ABCB5: variants seen among roughly 807,000 people sequenced by gnomAD.
ABCB5 encodes the protein ATP binding cassette subfamily B member 5.
A neutral mutation model predicts 144.2 loss-of-function variants in ABCB5; 155 were observed. That is an observed-to-expected ratio of 1.08 (90% CI 0.94 to 1.23). The LOEUF is 1.23. Ranked by LOEUF, ABCB5 falls within the 50% of genes most tolerant of loss-of-function variation. The pLI is 0.00. For synonymous variants in ABCB5, 610 were observed against 528.6 expected, an observed-to-expected ratio of 1.15 and a Z score of -2.11; for missense variants, 1,830 against 1,520.8, an observed-to-expected ratio of 1.20 and a Z score of -3.38.
At chr7:20,750,103 C>T (rs1323054212) in intron 26 of ABCB5, among the ~76,000 whole-genome samples, 1 of 152,114 alleles carries the variant, frequency 6.6e-6, no homozygotes. Flanking sequence ...TGGAATTACT[C>T]ATCTAGCAGC....
intron 5 of ABCB5, among the ~76,000 whole-genome samples, chr7:20,640,106 T>C (rs1321233385): frequency 6.6e-6 from 1 of 152,170 alleles, no homozygotes; most frequent in African/African-American, 2.4e-5. Context: ...CCCTACAGCA[T>C]TAAAAAAAAT....
In ABCB5 at chr7:20,676,951, T is replaced by C. The variant is rs114161874; in HGVS notation, c.1708-4554T>C. Among the ~76,000 whole-genome samples, 842 of 152,290 alleles carry C rather than the reference T, an allele frequency of 5.5e-3. 10 individuals carry two copies. The highest frequency in any genetic ancestry group is 0.019 in the African/African-American group (809 of 41,552). ...CACAAATGATGAAATTATTGAATAC[T>C]AGATTTGTCATTATAAAAGTCATAC... is the stretch of plus-strand genomic sequence containing the variant. On this transcript the variant is annotated intron_variant, in intron 14 of 27. Coordinates refer to ENST00000404938, the MANE Select transcript of ABCB5 (RefSeq NM_001163941.2).
chr7:20,652,306 G>A (rs770370789), intron 13 of ABCB5, among the ~76,000 whole-genome samples: 3 of 152,176 alleles, frequency 2.0e-5, no homozygotes, highest in East Asian at 1.9e-4. Context: ...GGTGGCTCAC[G>A]CGTGTAATCC....
At chr7:20,688,890 T>A (rs1786102468) in intron 16 of ABCB5, among the ~76,000 whole-genome samples, 1 of 151,888 alleles carries the variant, frequency 6.6e-6, no homozygotes, top group Non-Finnish European at 1.5e-5. Flanking sequence ...CACGGCATGT[T>A]CTCACTCATA....
chr7:20,626,415 ATTAAGT>A (rs1007347191), intron 2 of ABCB5, 136 bp from the exon 3 acceptor site: 7 of 634,886 alleles, frequency 1.1e-5, no homozygotes, highest in Non-Finnish European at 1.8e-5. Flanking sequence ...ACTGTCTATC[ATTAAGT>A]TTATTTTTAA....
At chr7:20,739,738 T>G (rs1782502474) in intron 24 of ABCB5, among the ~76,000 whole-genome samples, 1 of 152,124 alleles carries the variant, frequency 6.6e-6, no homozygotes, top group Non-Finnish European at 1.5e-5. Flanking sequence ...TCTGATAATA[T>G]ATGCAAAGTA....
At chr7:20,729,781 C>T (rs1471957782) in intron 23 of ABCB5, among the ~76,000 whole-genome samples, 1 of 152,174 alleles carries the variant, frequency 6.6e-6, no homozygotes, top group East Asian at 1.9e-4. Context: ...CAAGTATCAG[C>T]CTCTTCACAA....
At chr7:20,744,824 TG>T (rs1669102978) in intron 25 of ABCB5, among the ~76,000 whole-genome samples, 1 of 152,034 alleles carries the variant, frequency 6.6e-6, no homozygotes, top group Non-Finnish European at 1.5e-5. Flanking sequence ...TTTCTCTTAT[TG>T]ACCACTATTT....
At chr7:20,651,150 A>G (rs1375084345) in intron 12 of ABCB5, among the ~76,000 whole-genome samples, 1 of 152,216 alleles carries the variant, frequency 6.6e-6, no homozygotes, top group African/African-American at 2.4e-5. Flanking sequence ...ATGTATCTTT[A>G]TAATATCTAA....
intron 13 of ABCB5, among the ~76,000 whole-genome samples, chr7:20,655,336 G>T (rs557491208): frequency 9.5e-4 from 144 of 152,182 alleles, no homozygotes; most frequent in African/African-American, 3.3e-3. Context: ...AGCTGGGTGT[G>T]GTGGTGCACA....
chr7:20,720,861 G>A (rs934696728), intron 20 of ABCB5, among the ~76,000 whole-genome samples: 23 of 147,410 alleles, frequency 1.6e-4, no homozygotes, highest in Non-Finnish European at 2.7e-4. Flanking sequence ...GGAGAATGGC[G>A]TGAACCCGGG....
chr7:20,682,735 C>T (rs1299044059), intron 15 of ABCB5, among the ~76,000 whole-genome samples: 1 of 152,184 alleles, frequency 6.6e-6, no homozygotes, highest in Non-Finnish European at 1.5e-5. Flanking sequence ...AAGGGATGCA[C>T]ACGTAAAACC....
chr7:20,628,848 C>T lies in ABCB5; in HGVS notation c.259+10C>T, dbSNP rs777078433. On this transcript the variant is annotated intron_variant, in intron 4 of 27. Coordinates refer to ENST00000404938, the MANE Select transcript of ABCB5 (RefSeq NM_001163941.2). Reference sequence around the variant, plus strand: ...GTCCAAACTAACACAAGTGAGTATACGATTATTTTTCTGTATCACTTAAGA... The same window carrying T: ...GTCCAAACTAACACAAGTGAGTATATGATTATTTTTCTGTATCACTTAAGA... The T allele has an allele frequency of 1.6e-5, 26 of 1,612,090 alleles. No homozygotes were observed. Among genetic ancestry groups the T allele is most frequent in the East Asian group, 4.5e-5 (2 of 44,856 alleles).
chr7:20,702,818 C>G (rs572222350), intron 19 of ABCB5, among the ~76,000 whole-genome samples: 1 of 146,162 alleles, frequency 6.8e-6, no homozygotes, highest in Non-Finnish European at 1.5e-5. Context: ...CCCACCGCCA[C>G]GCCTGGCTAA....
chr7:20,641,612 C>A (rs756985127), intron 5 of ABCB5: 1 of 153,946 alleles, frequency 6.5e-6, no homozygotes, highest in Non-Finnish European at 1.5e-5. Flanking sequence ...CTATAGTATG[C>A]TTGAGGGAGA....
At position 20,727,068 on chromosome 7, in the gene ABCB5, G is replaced by A. The variant is rs111647033; in HGVS notation, c.2654G>A (p.Arg885His). The change falls in exon 22 of 28, where the codon CGT becomes CAT. Residue 885 changes from arginine to histidine, a missense_variant. Physicochemically the swap from Arg to His is conservative, Grantham distance 29. Transcript: ENST00000404938. ...KIATEALENI[R>H]TIVSLTREKA... is the part of the protein sequence containing the mutation. The stretch of plus-strand genomic sequence containing the variant: ...GCAACTGAAGCTTTGGAGAATATAC[G>A]TACTATAGTGTCATTAACAAGGGAA... 93 of 1,613,234 alleles carry A rather than the reference G, an allele frequency of 5.8e-5. 3 individuals are homozygous for A. In the African/African-American group the frequency reaches 6.4e-4, roughly 11 times the overall value.
chr7:20,698,379 A>AT (rs779298303), intron 16 of ABCB5, 28 bp from the exon 17 acceptor site: 1 of 1,544,274 alleles, frequency 6.5e-7, no homozygotes, highest in South Asian at 1.3e-5. Flanking sequence ...ACAAACTGGC[A>AT]TTTTTAACCA....
In ABCB5 at chr7:20,739,554, T is replaced by C. The variant is rs1245145152; in HGVS notation, c.3024+415T>C. On this transcript the variant is annotated intron_variant, in intron 24 of 27. Coordinates refer to ENST00000404938, the MANE Select transcript of ABCB5 (RefSeq NM_001163941.2). ...GTCTTGTCTTAATCAAATTTTTACCTCTACAACTAAAATTTATATTTCATA... is the reference window on the plus strand; with the variant it reads ...GTCTTGTCTTAATCAAATTTTTACCCCTACAACTAAAATTTATATTTCATA... Among the ~76,000 whole-genome samples, 4 of 152,270 alleles carry C rather than the reference T, an allele frequency of 2.6e-5. No individual in the cohort carries two copies. In the East Asian group the frequency reaches 7.7e-4, roughly 29 times the overall value.
At chr7:20,727,320 C>G (rs11976861) in intron 22 of ABCB5, among the ~76,000 whole-genome samples, 180 bp downstream of exon 22, 86,269 of 152,098 alleles carry the variant, frequency 0.57, 26,450 homozygotes, top group African/African-American at 0.8. Flanking sequence ...TTGAGGGCAA[C>G]CACAATTAGA....
Sources: allele counts gnomAD v4.1 joint callset (sites outside exome capture counted in the v4.1 genomes callset), GRCh38; gene constraint gnomAD v4.1.1; transcripts MANE v1.5; gene names NCBI Gene and HGNC (gene_info 2026-07-23, HGNC 2026-07-21).